The following SEM1 variants were observed in gnomAD, a reference collection of about 807,000 sequenced individuals.
SEM1 encodes the protein 26S proteasome complex subunit SEM1.
In SEM1, 3 loss-of-function variants were observed where a neutral mutation model predicts 12.7. The observed-to-expected ratio is 0.24, with a 90% confidence interval of 0.11 to 0.61. The LOEUF is 0.61. SEM1 is among the 20% of genes least tolerant of loss of function. SEM1 has a pLI of 0.88. For synonymous variants in SEM1, 30 were observed against 27.8 expected (o/e 1.08, Z -0.25); for missense variants, 59 against 81.3 (o/e 0.73, Z 1.06).
At chr7:96,487,197 T>C (rs1309393495) in intron 1 of SEM1, among the ~76,000 whole-genome samples, 1 of 149,884 alleles carries the variant, frequency 6.7e-6, no homozygotes, top group Non-Finnish European at 1.5e-5. Context: ...AATCAATTAA[T>C]CAAGAAAACA....
At chr7:96,584,393 C>G (rs1479567011) in intron 2 of SEM1, among the ~76,000 whole-genome samples, 2 of 151,956 alleles carry the variant, frequency 1.3e-5, no homozygotes, top group Non-Finnish European at 2.9e-5. Context: ...CTCTGGCTGC[C>G]CTTAACATTT....
chr7:96,500,717 T>C (rs543735925), upstream of SEM1, among the ~76,000 whole-genome samples: 65 of 152,292 alleles, frequency 4.3e-4, no homozygotes, highest in Non-Finnish European at 7.9e-4. Context: ...AGTTTCTACT[T>C]AATTCTCAAA....
chr7:96,577,860 GA>G (rs1247897785), intron 2 of SEM1, among the ~76,000 whole-genome samples: 5 of 142,412 alleles, frequency 3.5e-5, no homozygotes, highest in African/African-American at 2.6e-5. Flanking sequence ...AGAATGAAAG[GA>G]AAAAAAAAAC....
At chr7:96,545,750 C>G (rs1805085947) in intron 2 of SEM1, among the ~76,000 whole-genome samples, 1 of 151,998 alleles carries the variant, frequency 6.6e-6, no homozygotes, top group Admixed American at 6.6e-5. Context: ...TTGGCCCATA[C>G]AGATAAATGC....
At chr7:96,701,650 G>A (rs915138197) in intron 1 of SEM1, among the ~76,000 whole-genome samples, 4 of 152,066 alleles carry the variant, frequency 2.6e-5, no homozygotes, top group Non-Finnish European at 5.9e-5. Flanking sequence ...TAATGAAATT[G>A]AGGATTAAGA....
chr7:96,578,810 T>A (rs747434191), intron 2 of SEM1, among the ~76,000 whole-genome samples: 9 of 152,320 alleles, frequency 5.9e-5, no homozygotes, highest in Admixed American at 3.3e-4. Flanking sequence ...AGCCAGACCC[T>A]TTGCTAGTAT....
chr7:96,593,723 A>T (rs1431341720), intron 2 of SEM1, among the ~76,000 whole-genome samples: 5 of 152,238 alleles, frequency 3.3e-5, no homozygotes, highest in African/African-American at 1.2e-4. Flanking sequence ...CCTTATTTGC[A>T]TTAGAAATAT....
At chr7:96,579,858 G>C (rs1468510216) in intron 2 of SEM1, among the ~76,000 whole-genome samples, 1 of 152,030 alleles carries the variant, frequency 6.6e-6, no homozygotes, top group African/African-American at 2.4e-5. Flanking sequence ...AATTGGTGAA[G>C]GGTGCATAGG....
At chr7:96,553,467 C>T (rs530606494) in intron 2 of SEM1, among the ~76,000 whole-genome samples, 1,753 of 149,898 alleles carry the variant, frequency 0.012, 39 homozygotes, top group African/African-American at 0.04. Context: ...TTCCCCATTG[C>T]TTGTTTTTCT....
chr7:96,562,195 TA>T (rs1009945684), intron 2 of SEM1, among the ~76,000 whole-genome samples: 1 of 152,202 alleles, frequency 6.6e-6, no homozygotes, highest in Non-Finnish European at 1.5e-5. Flanking sequence ...CAGTGTACAT[TA>T]AAAAATCATA....
intron 2 of SEM1, among the ~76,000 whole-genome samples, chr7:96,599,529 C>T (rs959545185): frequency 2.0e-5 from 3 of 152,196 alleles, no homozygotes; most frequent in Middle Eastern, 3.2e-3. Flanking sequence ...GGTTGTATTA[C>T]GTCCCCACTT....
At chr7:96,491,455 A>G (rs893066068) in intron 1 of SEM1, among the ~76,000 whole-genome samples, 1 of 152,212 alleles carries the variant, frequency 6.6e-6, no homozygotes, top group Non-Finnish European at 1.5e-5. Flanking sequence ...AGCAAACGTC[A>G]GCTTTCTGAG....
At chr7:96,675,215 T>C (rs1258848975) in intron 2 of SEM1, among the ~76,000 whole-genome samples, 2 of 152,172 alleles carry the variant, frequency 1.3e-5, no homozygotes, top group African/African-American at 4.8e-5. Context: ...GAGAAAACTG[T>C]CTTCTGCACA....
chr7:96,497,769 G>A (rs998541019), upstream of SEM1, among the ~76,000 whole-genome samples: 2 of 152,142 alleles, frequency 1.3e-5, no homozygotes, highest in Non-Finnish European at 2.9e-5. Context: ...AGCAAACAAG[G>A]TGAGTCCTGT....
chr7:96,585,249 C>T (rs541860414), intron 2 of SEM1, among the ~76,000 whole-genome samples: 1 of 152,332 alleles, frequency 6.6e-6, no homozygotes, highest in African/African-American at 2.4e-5. Context: ...CAGTCTGCCC[C>T]TGCTGGGGGG....
intron 2 of SEM1, among the ~76,000 whole-genome samples, chr7:96,611,548 C>T (rs569131290): frequency 6.6e-6 from 1 of 151,904 alleles, no homozygotes; most frequent in South Asian, 2.1e-4. Context: ...TTGTGATGGG[C>T]AATAAAATAA....
At chr7:96,641,746 T>A (rs987496509) in intron 2 of SEM1, among the ~76,000 whole-genome samples, 4 of 151,994 alleles carry the variant, frequency 2.6e-5, no homozygotes, top group African/African-American at 7.2e-5. Context: ...AACGTTTAAG[T>A]TTTACATTAC....
intron 2 of SEM1, among the ~76,000 whole-genome samples, chr7:96,609,541 G>A (rs1243876193): frequency 6.6e-6 from 1 of 152,180 alleles, no homozygotes; most frequent in Non-Finnish European, 1.5e-5. Flanking sequence ...TTTCCAGAGA[G>A]TCATACAGCT....
chr7:96,684,239 T>C (rs1789698296), downstream of SEM1, among the ~76,000 whole-genome samples: 1 of 152,110 alleles, frequency 6.6e-6, no homozygotes, highest in Admixed American at 6.6e-5. Context: ...TGTGCTATTT[T>C]ATGAAGCAGG....
Sources: allele counts gnomAD v4.1 joint callset (sites outside exome capture counted in the v4.1 genomes callset), GRCh38; gene constraint gnomAD v4.1.1; transcripts MANE v1.5; gene names NCBI Gene and HGNC (gene_info 2026-07-23, HGNC 2026-07-21).